Variants in P2RX3 observed in about 807,000 individuals in gnomAD.
P2RX3 encodes purinergic receptor P2X 3.
Under a neutral mutation model 51.5 loss-of-function variants are expected in P2RX3, and 41 were observed. The observed-to-expected ratio is 0.80, with a 90% CI of 0.62 to 1.03. The LOEUF (loss-of-function observed/expected upper bound fraction) is 1.03. Among genes scored for constraint, P2RX3 ranks in the 50% least tolerant of loss-of-function variants. The pLI is 0.00. For synonymous variants in P2RX3, 185 were observed against 191.6 expected (o/e 0.97, Z 0.29); for missense variants, 459 against 522.1 (o/e 0.88, Z 1.18).
rs988225267 is a variant in P2RX3, at chr11:57,368,233, C to T, written c.936+131C>T. The T allele has an allele frequency of 8.5e-6, 11 of 1,297,468 alleles. No homozygotes were observed. In the Middle Eastern group the frequency reaches 6.1e-4, roughly 72 times the overall value. 80.4% of individuals were successfully genotyped at this position (1,297,468 alleles called of 1,614,324 possible). A position where few individuals can be genotyped will look rare whatever the true frequency, so the allele number is the denominator to read the frequency against. ...GCTTTGACACCCTCAGTGGGTCACT[C>T]TCCCATCAATTCACCTGTCCCGTGA... On this transcript the variant is annotated intron_variant, in intron 9 of 11. Transcript: ENST00000263314.
intron 8 of P2RX3, among the ~76,000 whole-genome samples, chr11:57,363,302 CA>C (rs1565072189): frequency 6.6e-6 from 1 of 152,208 alleles, no homozygotes; most frequent in African/African-American, 2.4e-5. Flanking sequence ...TTGCAACAGT[CA>C]GGGTTAGCAT....
chr11:57,358,947 G>A (rs563048844), intron 8 of P2RX3, among the ~76,000 whole-genome samples: 4 of 152,208 alleles, frequency 2.6e-5, no homozygotes, highest in East Asian at 1.9e-4. Flanking sequence ...AGAATCATTC[G>A]ATTGAGTCCT....
At chr11:57,366,350 G>A (rs1026794244) in intron 8 of P2RX3, among the ~76,000 whole-genome samples, 19 of 152,150 alleles carry the variant, frequency 1.2e-4, no homozygotes, top group African/African-American at 4.1e-4. Context: ...GAACACTCAC[G>A]TCTCTGTGTT....
chr11:57,353,837 T>TC (rs3837409), intron 8 of P2RX3, among the ~76,000 whole-genome samples: 2,138 of 119,974 alleles, frequency 0.018, 32 homozygotes, highest in East Asian at 0.033. Flanking sequence ...CAAATGTCAC[T>TC]CCCCCCCCCC....
chr11:57,347,131 G>C lies in P2RX3; in HGVS notation c.271G>C (p.Val91Leu). Residue 91 changes from valine (V) to leucine (L), a missense_variant, in exon 3 of 12, where the codon GTC (valine) becomes CTC (leucine). Coordinates refer to ENST00000263314, the MANE Select transcript of P2RX3 (RefSeq NM_002559.5). ...TCCTCCCAAGGGCACCTCGGTCTTT[G>C]TCATCATCACCAAGATGATTGTTAC... is the stretch of plus-strand genomic sequence containing the variant. ...VTPPQGTSVF[V>L]IITKMIVTEN... 6.2e-7 allele frequency: 1 copy of C among 1,613,734 alleles called. No individual in the cohort carries two copies.
At chr11:57,343,675 T>C (rs982205382) in intron 1 of P2RX3, among the ~76,000 whole-genome samples, 1 of 152,194 alleles carries the variant, frequency 6.6e-6, no homozygotes, top group Admixed American at 6.5e-5. Context: ...TTCCTGGACT[T>C]TAAGGACGCA....
chr11:57,346,834 T>TG (rs954368154), intron 2 of P2RX3, among the ~76,000 whole-genome samples, 155 bp downstream of exon 2: 1 of 152,216 alleles, frequency 6.6e-6, no homozygotes, highest in Non-Finnish European at 1.5e-5. Context: ...GAGAGCTGTG[T>TG]GAGAGCTTGG....
chr11:57,351,894 T>C (rs1194432873), intron 8 of P2RX3, among the ~76,000 whole-genome samples: 2 of 152,228 alleles, frequency 1.3e-5, no homozygotes, highest in Admixed American at 1.3e-4. Flanking sequence ...GGATACAATG[T>C]GATGTTTTGA....
At chr11:57,340,199 A>C (rs1051297530) in intron 1 of P2RX3, among the ~76,000 whole-genome samples, 1 of 152,212 alleles carries the variant, frequency 6.6e-6, no homozygotes, top group Admixed American at 6.5e-5. Context: ...AATCTGGCTC[A>C]GCACATTCCC....
intron 9 of P2RX3, 47 bp downstream of exon 9, chr11:57,368,149 A>G (rs775021873): frequency 1.5e-5 from 23 of 1,571,820 alleles, no homozygotes; most frequent in Non-Finnish European, 1.9e-5. Context: ...GAGGCAGCCC[A>G]GACCACCTCT....
chr11:57,354,792 C>T (rs1033803366), intron 8 of P2RX3, among the ~76,000 whole-genome samples: 2 of 152,104 alleles, frequency 1.3e-5, no homozygotes, highest in Non-Finnish European at 2.9e-5. Context: ...ATTAAAAATA[C>T]TGTATCCGTC....
intron 8 of P2RX3, among the ~76,000 whole-genome samples, chr11:57,357,128 C>A (rs934442271): frequency 1.1e-4 from 16 of 151,948 alleles, no homozygotes; most frequent in Non-Finnish European, 2.4e-4. Context: ...ACTGTCCTGG[C>A]CAACATAATG....
chr11:57,345,465 C>T (rs1856413949), intron 1 of P2RX3, among the ~76,000 whole-genome samples: 1 of 152,136 alleles, frequency 6.6e-6, no homozygotes, highest in African/African-American at 2.4e-5. Context: ...ATGGCATTTT[C>T]TAAACGTATT....
chr11:57,370,156 G>A lies in P2RX3; in HGVS notation c.*159G>A. ...AGTGTCTGGGCCTCCGACTGCTCCAGCAGACAGGCAGTGCTCCCTGCTGAG... is the reference window on the plus strand; with the variant it reads ...AGTGTCTGGGCCTCCGACTGCTCCAACAGACAGGCAGTGCTCCCTGCTGAG... On this transcript the variant is annotated 3_prime_UTR_variant, in exon 12 of 12. Transcript: ENST00000263314. The A allele has an allele frequency of 1.7e-6, 1 of 602,598 alleles. No individual in the cohort carries two copies. The highest frequency in any genetic ancestry group is 3.0e-6 in the Non-Finnish European group (1 of 338,332). 37.3% of individuals were successfully genotyped at this position (602,598 alleles called of 1,614,324 possible). A position where few individuals can be genotyped will look rare whatever the true frequency, so the allele number is the denominator to read the frequency against.
intron 8 of P2RX3, among the ~76,000 whole-genome samples, chr11:57,365,945 G>C (rs568867110): frequency 6.6e-6 from 1 of 152,290 alleles, no homozygotes; most frequent in South Asian, 2.1e-4. Flanking sequence ...GTCAATCACT[G>C]AACACTTTCA....
At position 57,338,541 on chromosome 11, in the gene P2RX3, C is replaced by A; in HGVS notation, c.-10C>A. ...CCCCCTTCTGAGTGTCCCCTGAGCACTCTCTCAGCATGAACTGCATATCCG... is the reference window on the plus strand; with the variant it reads ...CCCCCTTCTGAGTGTCCCCTGAGCAATCTCTCAGCATGAACTGCATATCCG... On this transcript the variant is annotated 5_prime_UTR_variant, in exon 1 of 12. Transcript: ENST00000263314. 6.4e-7 allele frequency: 1 copy of A among 1,573,458 alleles called. No individual in the cohort carries two copies. Among genetic ancestry groups the A allele is most frequent in the Non-Finnish European group, 8.7e-7 (1 of 1,147,262 alleles).
chr11:57,363,601 T>A (rs545814662), intron 8 of P2RX3, among the ~76,000 whole-genome samples: 5 of 152,286 alleles, frequency 3.3e-5, no homozygotes, highest in Admixed American at 2.0e-4. Flanking sequence ...TCATATTTCA[T>A]CAGCAAAAAC....
intron 1 of P2RX3, among the ~76,000 whole-genome samples, chr11:57,344,841 A>G (rs926908167): frequency 6.6e-6 from 1 of 152,214 alleles, no homozygotes; most frequent in Non-Finnish European, 1.5e-5. Flanking sequence ...CCACTTGCAA[A>G]TATCCGCTGG....
chr11:57,345,936 C>T (rs985634225), intron 1 of P2RX3, among the ~76,000 whole-genome samples: 6 of 151,716 alleles, frequency 4.0e-5, no homozygotes, highest in Admixed American at 2.6e-4. Flanking sequence ...CGCTGTCCCC[C>T]GCTTCCTCCT....
Sources: gnomAD v4.1 joint callset for allele counts (sites outside exome capture counted in the v4.1 genomes callset) on GRCh38, gnomAD v4.1.1 for gene constraint, MANE v1.5 for transcripts, NCBI Gene and HGNC (gene_info 2026-07-23, HGNC 2026-07-21) for gene names.